Variants in PLSCR4 observed in about 807,000 individuals in gnomAD.
PLSCR4 encodes the protein Ca(2+)-dependent phospholipid scramblase 4.
PLSCR4 carries 25 observed loss-of-function variants against 36.3 expected under a neutral mutation model. The ratio of observed to expected loss-of-function variants is 0.69; its 90% CI spans 0.50 to 0.96. The LOEUF (loss-of-function observed/expected upper bound fraction) is 0.96. Among genes scored for constraint, PLSCR4 ranks in the 40% least tolerant of loss-of-function variants. The pLI is 0.00. For synonymous variants in PLSCR4, 122 were observed against 132.9 expected (o/e 0.92, Z 0.56); for missense variants, 408 against 414.7 (o/e 0.98, Z 0.14).
intron 3 of PLSCR4, among the ~76,000 whole-genome samples, chr3:146,217,006 T>A (rs3792338): frequency 8.6e-5 from 13 of 151,974 alleles, no homozygotes; most frequent in Non-Finnish European, 1.8e-4. Context: ...AACAAGGCCA[T>A]GAGATAAATC....
At position 146,231,960 on chromosome 3, in the gene PLSCR4, G is replaced by C. The variant is rs889066490; in HGVS notation, c.-21-9868C>G. On this transcript the variant is annotated intron_variant, in intron 1 of 8. Transcript: ENST00000354952. Reference sequence around the variant, plus strand: ...CTACATCCAGAATGGTATGTCCTAGGTTTTCTTCTAGGGATTTTATAGTTT... The same window carrying C: ...CTACATCCAGAATGGTATGTCCTAGCTTTTCTTCTAGGGATTTTATAGTTT... Among the ~76,000 whole-genome samples the C allele has an allele frequency of 3.9e-5, 6 of 152,218 alleles. No homozygotes were observed. The Middle Eastern group carries it at 0.01, about 259-fold the overall frequency.
At chr3:146,196,955 T>C (rs894464233) in intron 6 of PLSCR4, among the ~76,000 whole-genome samples, 162 bp from the exon 7 acceptor site, 1 of 152,178 alleles carries the variant, frequency 6.6e-6, no homozygotes, top group Non-Finnish European at 1.5e-5. Context: ...TTCTTCAGGT[T>C]GGATTTCAGT....
chr3:146,199,220 T>C (rs973870327), intron 6 of PLSCR4, among the ~76,000 whole-genome samples: 4 of 152,146 alleles, frequency 2.6e-5, no homozygotes, highest in African/African-American at 9.7e-5. Flanking sequence ...ATTCAGACTC[T>C]GTTTGGTTTC....
intron 3 of PLSCR4, among the ~76,000 whole-genome samples, chr3:146,216,432 A>T (rs4681115): frequency 0.29 from 39,783 of 135,774 alleles, 6,413 homozygotes; most frequent in Admixed American, 0.39. Context: ...TATGTTGATT[A>T]AAAAAAAATA....
intron 1 of PLSCR4, among the ~76,000 whole-genome samples, chr3:146,238,480 T>C (rs1225568040): frequency 6.6e-6 from 1 of 151,888 alleles, no homozygotes; most frequent in East Asian, 1.9e-4. Context: ...TAAAATGGTT[T>C]ATCAAACAAA....
At chr3:146,217,602 A>G (rs918037021) in intron 3 of PLSCR4, among the ~76,000 whole-genome samples, 1 of 152,246 alleles carries the variant, frequency 6.6e-6, no homozygotes, top group Non-Finnish European at 1.5e-5. Context: ...AAAGGAGCAG[A>G]GAGTGGAGAA....
chr3:146,243,108 GA>G (rs979589950), intron 1 of PLSCR4, among the ~76,000 whole-genome samples: 3 of 151,874 alleles, frequency 2.0e-5, no homozygotes, highest in African/African-American at 2.4e-5. Flanking sequence ...ACCATTTTCA[GA>G]AAAAAAATTT....
At chr3:146,228,485 AC>A (rs1287004765) in intron 1 of PLSCR4, among the ~76,000 whole-genome samples, 1 of 152,042 alleles carries the variant, frequency 6.6e-6, no homozygotes, top group Non-Finnish European at 1.5e-5. Flanking sequence ...GAAAAAAAAA[AC>A]GGAGACATTG....
intron 3 of PLSCR4, among the ~76,000 whole-genome samples, chr3:146,220,520 C>T: frequency 6.6e-6 from 1 of 152,144 alleles, no homozygotes; most frequent in East Asian, 1.9e-4. Context: ...TTCCTCAAAT[C>T]CCTGGCAATG....
intron 1 of PLSCR4, among the ~76,000 whole-genome samples, chr3:146,225,348 T>G (rs2035405037): frequency 6.6e-6 from 1 of 152,186 alleles, no homozygotes; most frequent in Non-Finnish European, 1.5e-5. Context: ...CCCACCAGAC[T>G]CAGGAGCACA....
chr3:146,235,181 A>C (rs1434593591), intron 1 of PLSCR4, among the ~76,000 whole-genome samples: 1 of 152,132 alleles, frequency 6.6e-6, no homozygotes, highest in African/African-American at 2.4e-5. Context: ...CTGTGTCCCC[A>C]CCCAAATCTC....
chr3:146,237,430 A>AT (rs1320376081), intron 1 of PLSCR4, among the ~76,000 whole-genome samples: 7 of 152,136 alleles, frequency 4.6e-5, no homozygotes, highest in Non-Finnish European at 2.9e-5. Flanking sequence ...AGAATACCTG[A>AT]TTTTCAAGTG....
chr3:146,236,070 A>C (rs1455989645), intron 1 of PLSCR4, among the ~76,000 whole-genome samples: 7 of 152,138 alleles, frequency 4.6e-5, no homozygotes, highest in Admixed American at 2.6e-4. Context: ...AGTTTGGAAA[A>C]TTTGCAGCCC....
At chr3:146,225,879 G>A (rs888762520) in intron 1 of PLSCR4, among the ~76,000 whole-genome samples, 1 of 152,190 alleles carries the variant, frequency 6.6e-6, no homozygotes, top group Non-Finnish European at 1.5e-5. Context: ...CTCCCACAGT[G>A]CAGTGGTGGG....
At chr3:146,238,570 AT>A (rs1187662962) in intron 1 of PLSCR4, among the ~76,000 whole-genome samples, 1 of 152,116 alleles carries the variant, frequency 6.6e-6, no homozygotes, top group African/African-American at 2.4e-5. Context: ...GACAGAAAAA[AT>A]ATTCAAAAGA....
At chr3:146,236,758 A>G (rs1228020458) in intron 1 of PLSCR4, among the ~76,000 whole-genome samples, 1 of 152,068 alleles carries the variant, frequency 6.6e-6, no homozygotes, top group African/African-American at 2.4e-5. Context: ...TGTCTTTATC[A>G]GCAGCGTGAA....
chr3:146,196,869 C>G, intron 6 of PLSCR4, 76 bp from the exon 7 acceptor site: 1 of 1,219,194 alleles, frequency 8.2e-7, no homozygotes, highest in Non-Finnish European at 1.2e-6. Flanking sequence ...CATACACAAT[C>G]TAGATGTGTC....
chr3:146,209,190 G>A (rs1030410733), intron 3 of PLSCR4, among the ~76,000 whole-genome samples: 19 of 152,172 alleles, frequency 1.2e-4, no homozygotes, highest in African/African-American at 4.1e-4. Context: ...GTTCTCACAC[G>A]TAAGTGGGAG....
rs72992949 is a variant in PLSCR4 at position 146,248,157 on chromosome 3, C to T, written c.-22+2803G>A. Among the ~76,000 whole-genome samples the T allele has an allele frequency of 6.7e-3, 1,024 of 151,896 alleles. 11 individuals carry two copies. Among genetic ancestry groups the T allele is most frequent in the African/African-American group, 0.024 (990 of 41,404 alleles). ...CTGTTCTTGCAATAAACATCATAAA[C>T]ATCAATATTAAGGAAGGGGATTTTA... On this transcript the variant is annotated intron_variant, in intron 1 of 8. Transcript: ENST00000354952.
Sources: allele counts gnomAD v4.1 joint callset (sites outside exome capture counted in the v4.1 genomes callset), GRCh38; gene constraint gnomAD v4.1.1; transcripts MANE v1.5; gene names NCBI Gene and HGNC (gene_info 2026-07-23, HGNC 2026-07-21).